CFAP418: variants seen among roughly 807,000 people sequenced by gnomAD.
CFAP418 encodes cilia- and flagella-associated protein 418.
A neutral mutation model predicts 24.7 loss-of-function variants in CFAP418; 27 were observed. The observed-to-expected ratio is 1.09, with a 90% confidence interval of 0.81 to 1.51. The LOEUF (loss-of-function observed/expected upper bound fraction) is 1.51. CFAP418 is among the 40% of genes most tolerant of loss of function. CFAP418 has a pLI of 0.00. For synonymous variants in CFAP418, 74 were observed against 87.3 expected, an observed-to-expected ratio of 0.85 and a Z score of 0.85; for missense variants, 257 against 255.2, an observed-to-expected ratio of 1.01 and a Z score of -0.05.
At chr8:95,256,894 T>A (rs1811799987) in intron 4 of CFAP418, among the ~76,000 whole-genome samples, 1 of 152,152 alleles carries the variant, frequency 6.6e-6, no homozygotes, top group Non-Finnish European at 1.5e-5. Flanking sequence ...GGCAGTGGAA[T>A]ATCTGACCCA....
intron 1 of CFAP418, among the ~76,000 whole-genome samples, chr8:95,267,944 A>G (rs985034025): frequency 2.0e-5 from 3 of 150,364 alleles, no homozygotes; most frequent in African/African-American, 7.3e-5. Context: ...TAATAATTAC[A>G]TGGAGGAAAA....
intron 2 of CFAP418, among the ~76,000 whole-genome samples, chr8:95,262,032 T>A (rs1200949182): frequency 2.0e-5 from 3 of 152,244 alleles, no homozygotes; most frequent in Non-Finnish European, 4.4e-5. Flanking sequence ...TTGAACAACA[T>A]GCGTTTCAAC....
At chr8:95,261,481 A>T (rs755856793) in intron 2 of CFAP418, among the ~76,000 whole-genome samples, 1 of 152,184 alleles carries the variant, frequency 6.6e-6, no homozygotes, top group Non-Finnish European at 1.5e-5. Flanking sequence ...GGGTCTGGGA[A>T]CAGTTCAGAA....
At position 95,247,908 on chromosome 8, in the gene CFAP418, C is replaced by G. The variant is rs563699421; in HGVS notation, c.471-138G>C. The G allele has an allele frequency of 2.7e-4, 241 of 877,100 alleles. 1 individual carries two copies. The South Asian group carries it at 4.4e-3, about 16-fold the overall frequency. The allele number at this position is 877,100 out of a possible 1,614,324, so 54.3% of individuals were successfully genotyped here. On this transcript the variant is annotated intron_variant, in intron 5 of 5. Coordinates refer to ENST00000286688, the MANE Select transcript of CFAP418 (RefSeq NM_177965.4). ...TCTCATTGTTACTCAGGCTGGATTG[C>G]GGTGGCACAATCATGGCTCACTGCA...
intron 1 of CFAP418, chr8:95,268,815 CG>C: frequency 2.8e-6 from 1 of 363,088 alleles, no homozygotes; most frequent in Non-Finnish European, 4.7e-6. Flanking sequence ...TGGGGCATGC[CG>C]GGGGGCGGAG....
intron 4 of CFAP418, among the ~76,000 whole-genome samples, chr8:95,255,246 A>C: frequency 6.6e-6 from 1 of 151,458 alleles, no homozygotes; most frequent in South Asian, 2.1e-4. Context: ...ATGTCCCTCC[A>C]CTCTCTCTCC....
Position 95,261,267 on chromosome 8 carries a change from C to T in CFAP418, c.244-735G>A, listed in dbSNP as rs572838607. Reference sequence around the variant, plus strand: ...AGTGGGTGAGGAAATTTAATAGAGGCGAAAATATTGTTTTACTATGTCTCT... The same window carrying T: ...AGTGGGTGAGGAAATTTAATAGAGGTGAAAATATTGTTTTACTATGTCTCT... On this transcript the variant is annotated intron_variant, in intron 2 of 5. Coordinates refer to ENST00000286688, the MANE Select transcript of CFAP418 (RefSeq NM_177965.4). Among the ~76,000 whole-genome samples the T allele has an allele frequency of 2.6e-5, 4 of 152,126 alleles. No homozygotes were observed. In the East Asian group the frequency reaches 5.8e-4, roughly 22 times the overall value.
chr8:95,259,079 T>C (rs1370171743), intron 4 of CFAP418, among the ~76,000 whole-genome samples: 2 of 152,244 alleles, frequency 1.3e-5, no homozygotes, highest in East Asian at 3.8e-4. Flanking sequence ...CATGCAATCA[T>C]ATAACTTAGG....
chr8:95,266,191 A>G (rs74872366), intron 1 of CFAP418, among the ~76,000 whole-genome samples: 1,605 of 152,330 alleles, frequency 0.011, 32 homozygotes, highest in African/African-American at 0.036. Context: ...CAAAGCACTT[A>G]GCATACAGAA....
At chr8:95,262,024 G>A (rs1811901298) in intron 2 of CFAP418, among the ~76,000 whole-genome samples, 1 of 152,204 alleles carries the variant, frequency 6.6e-6, no homozygotes, top group Middle Eastern at 3.2e-3. Context: ...GGTGACCCTT[G>A]AACAACATGC....
At chr8:95,251,670 A>G (rs1370399395) in intron 5 of CFAP418, among the ~76,000 whole-genome samples, 2 of 152,242 alleles carry the variant, frequency 1.3e-5, no homozygotes, top group African/African-American at 4.8e-5. Flanking sequence ...ATTCTTGTCC[A>G]GAAGTAACAT....
At chr8:95,260,562 A>T in intron 2 of CFAP418, 30 bp from the exon 3 acceptor site, 1 of 1,392,234 alleles carries the variant, frequency 7.2e-7, no homozygotes, top group Non-Finnish European at 9.9e-7. Context: ...ATAAAAGGCC[A>T]TGAGTAACTT....
chr8:95,248,007 TA>T (rs2132151921), intron 5 of CFAP418, among the ~76,000 whole-genome samples: 1 of 152,154 alleles, frequency 6.6e-6, no homozygotes, highest in African/African-American at 2.4e-5. Flanking sequence ...ATGCCCGGCT[TA>T]AAAAATTTTT....
chr8:95,253,528 A>C (rs971369806), intron 4 of CFAP418, among the ~76,000 whole-genome samples: 2 of 152,250 alleles, frequency 1.3e-5, no homozygotes, highest in South Asian at 2.1e-4. Context: ...TTCAAAGTTC[A>C]GATACGCTAA....
chr8:95,264,477 T>C (rs1210281835), intron 1 of CFAP418, among the ~76,000 whole-genome samples: 1 of 152,216 alleles, frequency 6.6e-6, no homozygotes, highest in East Asian at 1.9e-4. Flanking sequence ...ACCCCAGTTT[T>C]ATAGATGAAG....
Position 95,269,157 on chromosome 8 carries a change from T to C in CFAP418, c.33A>G (p.Glu11=). 1 of 1,614,188 alleles carries C rather than the reference T, an allele frequency of 6.2e-7. No homozygotes were observed. The highest frequency in any genetic ancestry group is 8.5e-7 in the Non-Finnish European group (1 of 1,180,012). MAEDLDELLD[E]VESKFCTPDL... ...CAGGTGTGCAAAACTTGGACTCGAC[T>C]TCATCCAAGAGCTCGTCCAGGTCCT... Residue 11 remains glutamate (E), a synonymous_variant, in exon 1 of 6, where the codon GAA becomes GAG. Coordinates refer to ENST00000286688, the MANE Select transcript of CFAP418 (RefSeq NM_177965.4).
rs1811623057 is a variant in CFAP418, at chr8:95,246,496, A to G, written c.*1121T>C. Reference sequence around the variant, plus strand: ...CTAAGAAGATTATAACTTTGTTTCAATTATTCCCTTTCAGGGTGCTCTGTA... The same window carrying G: ...CTAAGAAGATTATAACTTTGTTTCAGTTATTCCCTTTCAGGGTGCTCTGTA... On this transcript the variant is annotated 3_prime_UTR_variant, in exon 6 of 6. Coordinates refer to ENST00000286688, the MANE Select transcript of CFAP418 (RefSeq NM_177965.4). 2 of 152,220 alleles carry G rather than the reference A, an allele frequency of 1.3e-5. No homozygotes were observed. The highest frequency in any genetic ancestry group is 1.5e-5 in the Non-Finnish European group (1 of 68,032). 9.4% of individuals were successfully genotyped at this position (152,220 alleles called of 1,614,324 possible).
intron 1 of CFAP418, among the ~76,000 whole-genome samples, chr8:95,264,460 T>C (rs1175203982): frequency 1.3e-5 from 2 of 152,204 alleles, no homozygotes; most frequent in African/African-American, 4.8e-5. Context: ...GAGTATATCT[T>C]TATTTAACCC....
At chr8:95,260,557 A>T in intron 2 of CFAP418, 25 bp from the exon 3 acceptor site, 1 of 1,438,878 alleles carries the variant, frequency 6.9e-7, no homozygotes, top group Non-Finnish European at 9.5e-7. Context: ...AAACAATAAA[A>T]GGCCATGAGT....
Sources: gnomAD v4.1 joint callset for allele counts (sites outside exome capture counted in the v4.1 genomes callset) on GRCh38, gnomAD v4.1.1 for gene constraint, MANE v1.5 for transcripts, NCBI Gene and HGNC (gene_info 2026-07-23, HGNC 2026-07-21) for gene names.